Variants in TSG101 observed in about 807,000 individuals in gnomAD.
TSG101 encodes tumor susceptibility gene 101 protein.
Under a neutral mutation model 48.5 loss-of-function variants are expected in TSG101, and 19 were observed. The ratio of observed to expected loss-of-function variants is 0.39; its 90% CI spans 0.27 to 0.58. The LOEUF is 0.58. TSG101 is among the 20% of genes least tolerant of loss of function. The probability of loss-of-function intolerance (pLI) is 0.55; values close to 1 mark genes in which losing one functional copy is unlikely to be tolerated. For synonymous variants in TSG101, 174 were observed against 169.4 expected (o/e 1.03, Z -0.21); for missense variants, 365 against 484.4 (o/e 0.75, Z 2.31).
chr11:18,487,763 G>A (rs1021368161), intron 7 of TSG101, among the ~76,000 whole-genome samples: 2 of 152,180 alleles, frequency 1.3e-5, no homozygotes, highest in Non-Finnish European at 2.9e-5. Context: ...AACAGGAGTG[G>A]TGGCCCAGCT....
At chr11:18,487,576 A>G (rs1467489116) in intron 7 of TSG101, among the ~76,000 whole-genome samples, 1 of 152,204 alleles carries the variant, frequency 6.6e-6, no homozygotes, top group Admixed American at 6.5e-5. Context: ...TATGTTGCTC[A>G]GGCTGGTCTC....
Position 18,514,712 on chromosome 11 carries a change from T to C in TSG101, c.323A>G (p.Lys108Arg). Residue 108 changes from lysine to arginine, a missense_variant, in exon 4 of 10, where the codon AAG becomes AGG. Coordinates refer to ENST00000251968, the MANE Select transcript of TSG101 (RefSeq NM_006292.4). ...TTCATGTAGATAAGGAAGATATATC[T>C]TCCCATTTGCATCAACATGCTTTCC... ...KTGKHVDANG[K>R]IYLPYLHEWK... 1 of 1,588,856 alleles carries C rather than the reference T, an allele frequency of 6.3e-7. No homozygotes were observed. The highest frequency in any genetic ancestry group is 8.5e-7 in the Non-Finnish European group (1 of 1,172,922).
chr11:18,509,614 C>T lies in TSG101; in HGVS notation c.409G>A (p.Asp137Asn). 1 of 1,613,932 alleles carries T rather than the reference C, an allele frequency of 6.2e-7. No individual in the cohort carries two copies. The highest frequency in any genetic ancestry group is 2.2e-5 in the East Asian group (1 of 44,886). Residue 137 changes from aspartate to asparagine, a missense_variant, in exon 5 of 10, where the codon GAT (aspartate) becomes AAT (asparagine). Coordinates refer to ENST00000251968, the MANE Select transcript of TSG101 (RefSeq NM_006292.4). ...LIQVMIVVFG[D>N]EPPVFSRPIS... ...GGACGAGAGAAGACTGGAGGTTCAT[C>T]TCCAAATACCACAATCATGACCTGA...
rs145300932 is a variant in TSG101 at position 18,509,268 on chromosome 11, A to G, written c.481+274T>C. Among the ~76,000 whole-genome samples the G allele has an allele frequency of 5.9e-3, 896 of 152,290 alleles. 9 individuals carry two copies. Among genetic ancestry groups the G allele is most frequent in the African/African-American group, 0.021 (864 of 41,568 alleles). ...ATAAGGCTATTCTGCAGCATGCATAATTTTAAAAATTCTAGCTCTATTCTA... is the reference window on the plus strand; with the variant it reads ...ATAAGGCTATTCTGCAGCATGCATAGTTTTAAAAATTCTAGCTCTATTCTA... On this transcript the variant is annotated intron_variant, in intron 5 of 9. Transcript: ENST00000251968.
chr11:18,516,996 ACTGT>A (rs1850188678), intron 2 of TSG101, among the ~76,000 whole-genome samples: 1 of 152,138 alleles, frequency 6.6e-6, no homozygotes, highest in African/African-American at 2.4e-5. Context: ...ATGTTAACCT[ACTGT>A]CTTTCTATTT....
intron 7 of TSG101, among the ~76,000 whole-genome samples, chr11:18,495,241 G>A (rs1320062920): frequency 6.6e-6 from 1 of 152,106 alleles, no homozygotes; most frequent in African/African-American, 2.4e-5. Flanking sequence ...GGTAGGTATT[G>A]GCTTTAACCG....
At chr11:18,499,222 TTA>T (rs956316928) in intron 7 of TSG101, among the ~76,000 whole-genome samples, 1 of 138,128 alleles carries the variant, frequency 7.2e-6, no homozygotes, top group Non-Finnish European at 1.5e-5. Flanking sequence ...ATATATATAT[TTA>T]TATATGATAT....
intron 7 of TSG101, chr11:18,490,916 C>A: frequency 5.2e-6 from 2 of 386,984 alleles, no homozygotes; most frequent in South Asian, 6.2e-5. Context: ...TCAGCCTGCT[C>A]AGTGAGTTGG....
chr11:18,492,205 T>C (rs1849708709), intron 7 of TSG101, among the ~76,000 whole-genome samples: 1 of 152,220 alleles, frequency 6.6e-6, no homozygotes, highest in Admixed American at 6.5e-5. Context: ...ATATGAAATA[T>C]TATGATGGTT....
rs752861793 is a variant in TSG101 at position 18,480,550 on chromosome 11, T to C, written c.1169A>G (p.Tyr390Cys). 2.4e-5 allele frequency: 38 copies of C among 1,613,232 alleles called. No individual in the cohort carries two copies. The highest frequency in any genetic ancestry group is 3.3e-4 in the Middle Eastern group (2 of 6,082). The change falls in exon 10 of 10, where the codon TAC becomes TGC. Residue 390 changes from tyrosine (Y) to cysteine (C), a missense_variant. Tyr to Cys is a radical substitution (Grantham distance 194). Coordinates refer to ENST00000251968, the MANE Select transcript of TSG101 (RefSeq NM_006292.4). ...CTCCAGCTGGTATCAGAGAAGTCAG[T>C]AGAGGTCACTGAGACCGGCAGTCTT... The part of the protein sequence containing the change: ...ARKTAGLSDL[Y>C]
At chr11:18,509,452 A>G in intron 5 of TSG101, 90 bp downstream of exon 5, 1 of 1,483,590 alleles carries the variant, frequency 6.7e-7, no homozygotes. Flanking sequence ...TAAAAAGCAA[A>G]GAAGTCATTA....
At chr11:18,497,486 G>A (rs1209454691) in intron 7 of TSG101, among the ~76,000 whole-genome samples, 1 of 152,152 alleles carries the variant, frequency 6.6e-6, no homozygotes, top group Non-Finnish European at 1.5e-5. Flanking sequence ...CATGAGATCT[G>A]ATTCCACATA....
chr11:18,481,989 A>T, intron 8 of TSG101, 120 bp from the exon 9 acceptor site: 1 of 1,368,704 alleles, frequency 7.3e-7, no homozygotes, highest in Non-Finnish European at 9.9e-7. Context: ...CATGGATGAG[A>T]ATAATGTTTC....
intron 2 of TSG101, among the ~76,000 whole-genome samples, chr11:18,518,279 C>A (rs935832881): frequency 8.5e-5 from 13 of 152,086 alleles, no homozygotes; most frequent in Non-Finnish European, 1.9e-4. Context: ...AACTGATTGC[C>A]CCTCTGTTGC....
intron 1 of TSG101, among the ~76,000 whole-genome samples, chr11:18,521,103 C>G (rs922494578): frequency 1.3e-5 from 2 of 151,832 alleles, no homozygotes; most frequent in Non-Finnish European, 2.9e-5. Context: ...TAGAGGATAA[C>G]GTTTTTTCAT....
In TSG101 at chr11:18,499,080, G is replaced by A. The variant is rs541337125; in HGVS notation, c.640+3406C>T. 1.1e-4 allele frequency among the ~76,000 whole-genome samples: 16 copies of A among 150,962 alleles called. No individual in the cohort carries two copies. The South Asian group carries it at 3.1e-3, about 29-fold the overall frequency. On this transcript the variant is annotated intron_variant, in intron 7 of 9. Transcript: ENST00000251968. ...CAAAAGGAGGTTTAAGAGAAAAACG[G>A]AGAAGAGGTACTGAAGATAACAAAG...
intron 8 of TSG101, among the ~76,000 whole-genome samples, chr11:18,482,071 A>C (rs1255515588): frequency 1.3e-5 from 2 of 152,238 alleles, no homozygotes; most frequent in African/African-American, 2.4e-5. Context: ...GTAATGATGG[A>C]GATATCCTGA....
At chr11:18,512,333 A>G (rs1469905965) in intron 4 of TSG101, among the ~76,000 whole-genome samples, 2 of 152,158 alleles carry the variant, frequency 1.3e-5, no homozygotes, top group African/African-American at 2.4e-5. Context: ...TACTGAGTCC[A>G]GTCTGCTACT....
chr11:18,516,718 G>C (rs1850181864), intron 2 of TSG101, among the ~76,000 whole-genome samples: 1 of 151,866 alleles, frequency 6.6e-6, no homozygotes, highest in Admixed American at 6.6e-5. Flanking sequence ...GAGGCAGGTG[G>C]ATCACCTGAG....
Sources: allele counts gnomAD v4.1 joint callset (sites outside exome capture counted in the v4.1 genomes callset), GRCh38; gene constraint gnomAD v4.1.1; transcripts MANE v1.5; gene names NCBI Gene and HGNC (gene_info 2026-07-23, HGNC 2026-07-21).